GABRA3: variants seen among roughly 807,000 people sequenced by gnomAD.
GABRA3 encodes the protein gamma-aminobutyric acid type A receptor subunit alpha3, also known as gamma-aminobutyric acid receptor subunit alpha-3.
GABRA3 carries 10 observed loss-of-function variants against 30.1 expected under a neutral mutation model. That is an observed-to-expected ratio of 0.33 (90% CI 0.20 to 0.56). GABRA3 has a LOEUF of 0.56. GABRA3 is among the 20% of genes least tolerant of loss of function. The probability of loss-of-function intolerance (pLI) is 0.89; values close to 1 mark genes in which losing one functional copy is unlikely to be tolerated. For synonymous variants in GABRA3, 151 were observed against 146.8 expected (o/e 1.03, Z -0.21); for missense variants, 233 against 392.0 (o/e 0.59, Z 3.42).
chrX:152,313,831 G>T (rs762868807), intron 3 of GABRA3, among the ~76,000 whole-genome samples: 2 of 111,623 alleles, frequency 1.8e-5, no homozygotes, highest in Non-Finnish European at 3.8e-5. Context: ...TAAAGTTGGG[G>T]GGATGAAGAG....
intron 1 of GABRA3, among the ~76,000 whole-genome samples, chrX:152,449,535 T>C (rs1931169778): frequency 9.0e-6 from 1 of 111,563 alleles, no homozygotes; most frequent in Non-Finnish European, 1.9e-5. Context: ...AAGTACGATT[T>C]TCAAGGAAAG....
Position 152,444,978 on chromosome X carries a change from G to C in GABRA3, c.-27+6168C>G, listed in dbSNP as rs866615466. ...TGGGAGGCTGAGGCAGGAGAATGGC[G>C]TGAACCCGGGAGGCGGAGCTTGCAG... On this transcript the variant is annotated intron_variant, in intron 1 of 9. Transcript: ENST00000370314. Among the ~76,000 whole-genome samples, 221 of 82,645 alleles carry C rather than the reference G, an allele frequency of 2.7e-3. 2 individuals are homozygous for C. The highest frequency in any genetic ancestry group is 9.4e-3 in the African/African-American group (212 of 22,510). The allele number at this position is 82,645 out of a possible 115,157, so 71.8% of individuals were successfully genotyped here.
Position 152,182,919 on chromosome X carries a change from C to T in GABRA3, c.1143+6811G>A, listed in dbSNP as rs377267909. Among the ~76,000 whole-genome samples, 6 of 98,945 alleles carry T rather than the reference C, an allele frequency of 6.1e-5. No homozygotes were observed. The East Asian group carries it at 1.3e-3, about 21-fold the overall frequency. 85.9% of individuals were successfully genotyped at this position (98,945 alleles called of 115,157 possible). On this transcript the variant is annotated intron_variant, in intron 9 of 9. Coordinates refer to ENST00000370314, the MANE Select transcript of GABRA3 (RefSeq NM_000808.4). The stretch of plus-strand genomic sequence containing the variant: ...GTATACATATATACTTTAAGAAGTT[C>T]TGGGGAATGATTCTTTTAATGTACT...
Position 152,284,691 on chromosome X carries a change from CA to C in GABRA3, c.306del (p.Phe102LeufsTer26). 1 of 1,192,816 alleles carries C rather than the reference CA, an allele frequency of 8.4e-7. No individual in the cohort carries two copies. The highest frequency in any genetic ancestry group is 1.1e-6 in the Non-Finnish European group (1 of 882,123). ...EVKTDIYVTS[F>X]GPVSDTDMEY... ...ACCATGTCAGTGTCTGACACAGGGCCAAAACTGGTCACGTAGATGTCAGTCT... is the reference window on the plus strand; with the variant it reads ...ACCATGTCAGTGTCTGACACAGGGCCAAACTGGTCACGTAGATGTCAGTCT... On this transcript the variant is annotated frameshift_variant, in exon 4 of 10. Transcript: ENST00000370314. LOFTEE classifies it high-confidence loss of function.
intron 9 of GABRA3, 97 bp from the exon 10 acceptor site, chrX:152,168,660 C>G: frequency 3.0e-6 from 2 of 662,749 alleles, no homozygotes; most frequent in Non-Finnish European, 4.7e-6. Context: ...GGAGGAGGAG[C>G]CATGAGGGAA....
chrX:152,288,300 A>G (rs1302785940), intron 3 of GABRA3, among the ~76,000 whole-genome samples: 1 of 112,142 alleles, frequency 8.9e-6, no homozygotes, highest in Non-Finnish European at 1.9e-5. Context: ...CACATGGAGA[A>G]GAACCCTGAT....
intron 1 of GABRA3, among the ~76,000 whole-genome samples, chrX:152,422,757 T>C (rs1031463171): frequency 1.8e-5 from 2 of 110,952 alleles, no homozygotes; most frequent in Non-Finnish European, 3.8e-5. Flanking sequence ...GGATACAACA[T>C]TTCAGTTCAA....
At chrX:152,350,873 G>A (rs1001746521) in intron 2 of GABRA3, among the ~76,000 whole-genome samples, 1 of 112,174 alleles carries the variant, frequency 8.9e-6, no homozygotes, top group African/African-American at 3.2e-5. Flanking sequence ...AAGAATGGAT[G>A]TTGTATTGTA....
intron 1 of GABRA3, among the ~76,000 whole-genome samples, chrX:152,373,099 T>C (rs760040425): frequency 8.9e-5 from 10 of 112,103 alleles, no homozygotes; most frequent in Non-Finnish European, 1.3e-4. Flanking sequence ...CATACTTCTA[T>C]CTTTTTGTGG....
At chrX:152,266,248 C>T (rs1928644205) in intron 4 of GABRA3, among the ~76,000 whole-genome samples, 1 of 111,566 alleles carries the variant, frequency 9.0e-6, no homozygotes, top group Non-Finnish European at 1.9e-5. Context: ...TACTAGCAAA[C>T]CAAATTCAAC....
chrX:152,213,687 A>G (rs768444202), intron 6 of GABRA3, among the ~76,000 whole-genome samples: 2 of 111,998 alleles, frequency 1.8e-5, no homozygotes, highest in Admixed American at 9.5e-5. Flanking sequence ...GGGATATGAT[A>G]TAAGATTGAG....
Position 152,275,209 on chromosome X carries a change from TA to T in GABRA3, c.330+9458del, listed in dbSNP as rs1939032873. ...ATATTATATATATAATTTATATATATAATATTATATATATATAATTTATATA... is the reference window on the plus strand; with the variant it reads ...ATATTATATATATAATTTATATATATATATTATATATATATAATTTATATA... On this transcript the variant is annotated intron_variant, in intron 4 of 9. Transcript: ENST00000370314. Among the ~76,000 whole-genome samples, 4 of 56,584 alleles carry T rather than the reference TA, an allele frequency of 7.1e-5. 1 individual carries two copies. In the South Asian group the frequency reaches 2.1e-3, roughly 30 times the overall value. The allele number at this position is 56,584 out of a possible 115,157, so 49.1% of individuals were successfully genotyped here.
At chrX:152,258,067 G>A in intron 4 of GABRA3, among the ~76,000 whole-genome samples, 1 of 111,554 alleles carries the variant, frequency 9.0e-6, no homozygotes, top group East Asian at 2.8e-4. Context: ...CTAAGGAAAT[G>A]GTTACAAGTA....
At chrX:152,276,005 C>A (rs901077298) in intron 4 of GABRA3, among the ~76,000 whole-genome samples, 2 of 109,922 alleles carry the variant, frequency 1.8e-5, no homozygotes, top group African/African-American at 6.6e-5. Flanking sequence ...ATTAGGAAAT[C>A]TATTGATGTA....
rs188276920 is a variant in GABRA3 at position 152,346,039 on chromosome X, G to C, written c.141-337C>G. ...CGGCATACAGTTGGTTCATCAAATT[G>C]TGTTGCATGATTAAACAGGCATCAA... On this transcript the variant is annotated intron_variant, in intron 2 of 9. Transcript: ENST00000370314. Among the ~76,000 whole-genome samples, 73 of 111,644 alleles carry C rather than the reference G, an allele frequency of 6.5e-4. 2 individuals are homozygous for C. The Admixed American group carries it at 6.7e-3, about 10-fold the overall frequency.
Position 152,224,809 on chromosome X carries a change from T to C in GABRA3, c.588A>G (p.Glu196=). Residue 196 remains glutamate, a synonymous_variant, in exon 6 of 10, where the codon GAA becomes GAG. Transcript: ENST00000370314. ...TIHAECPMHL[E]DFPMDVHACP... ...AGGCATGCACATCCATGGGAAAATC[T>C]TCCAAATGCATGGGACACTCAGCAT... 1 of 1,199,217 alleles carries C rather than the reference T, an allele frequency of 8.3e-7. No individual in the cohort carries two copies.
chrX:152,436,494 A>T (rs1022351027), intron 1 of GABRA3, among the ~76,000 whole-genome samples: 3 of 111,516 alleles, frequency 2.7e-5, no homozygotes, highest in Admixed American at 1.9e-4. Context: ...GGAACCACTG[A>T]ATTATAATAA....
rs1249881580 is a variant in GABRA3 at position 152,166,892 on chromosome X, A to T, written c.*1336T>A. 1 of 110,889 alleles carries T rather than the reference A, an allele frequency of 9.0e-6. No individual in the cohort carries two copies. Among genetic ancestry groups the T allele is most frequent in the Non-Finnish European group, 1.9e-5 (1 of 53,028 alleles). The allele number at this position is 110,889 out of a possible 1,213,427, so 9.1% of individuals were successfully genotyped here. On this transcript the variant is annotated 3_prime_UTR_variant, in exon 10 of 10. Transcript: ENST00000370314. ...CGCACGATAGCTCTTTATTAAAGAC[A>T]CTTGTAAGGAGCCTAGGCAAATCAT...
chrX:152,370,230 A>G (rs1928798158), intron 1 of GABRA3, among the ~76,000 whole-genome samples: 1 of 112,172 alleles, frequency 8.9e-6, no homozygotes, highest in African/African-American at 3.2e-5. Flanking sequence ...TGGAATTCCT[A>G]AAACTTCTTT....
Sources: gnomAD v4.1 joint callset for allele counts (sites outside exome capture counted in the v4.1 genomes callset) on GRCh38, gnomAD v4.1.1 for gene constraint, MANE v1.5 for transcripts, NCBI Gene and HGNC (gene_info 2026-07-23, HGNC 2026-07-21) for gene names.